PALM2AKAP2: variants seen among roughly 807,000 people sequenced by gnomAD.
PALM2AKAP2 encodes PALM2-AKAP2 fusion protein.
A neutral mutation model predicts 71.5 loss-of-function variants in PALM2AKAP2; 37 were observed. That is an observed-to-expected ratio of 0.52 (90% confidence interval 0.40 to 0.68). The LOEUF (loss-of-function observed/expected upper bound fraction) is 0.68. PALM2AKAP2 is among the 30% of genes least tolerant of loss of function. The pLI is 0.00. For missense variants in PALM2AKAP2, 1,224 were observed against 1,191.8 expected (o/e 1.03, Z -0.40); for synonymous variants, 468 against 478.8 (o/e 0.98, Z 0.29).
At chr9:110,000,004 C>A (rs1236625269) in intron 6 of PALM2AKAP2, among the ~76,000 whole-genome samples, 1 of 147,438 alleles carries the variant, frequency 6.8e-6, no homozygotes, top group African/African-American at 2.5e-5. Flanking sequence ...CCATTTTTCT[C>A]TATTTTTTTT....
chr9:109,742,691 A>G (rs967499631), intron 1 of PALM2AKAP2, among the ~76,000 whole-genome samples: 1 of 152,090 alleles, frequency 6.6e-6, no homozygotes, highest in Non-Finnish European at 1.5e-5. Context: ...TACCACATAA[A>G]CCTATGCTGG....
chr9:109,709,038 T>A (rs1828185726), intron 1 of PALM2AKAP2, among the ~76,000 whole-genome samples: 1 of 152,170 alleles, frequency 6.6e-6, no homozygotes, highest in Admixed American at 6.5e-5. Context: ...ATAGTGGTAC[T>A]TGAGCCTGTC....
intron 1 of PALM2AKAP2, among the ~76,000 whole-genome samples, chr9:109,643,121 A>G (rs1013239178): frequency 6.6e-6 from 1 of 152,244 alleles, no homozygotes; most frequent in Middle Eastern, 3.4e-3. Context: ...GAGGGAAGGA[A>G]GGAAAGAAAG....
At chr9:109,804,849 C>T (rs1386037772) in intron 1 of PALM2AKAP2, among the ~76,000 whole-genome samples, 1 of 152,164 alleles carries the variant, frequency 6.6e-6, no homozygotes, top group African/African-American at 2.4e-5. Flanking sequence ...TGGGGCCTTA[C>T]ACTCAATCAG....
At chr9:109,941,868 G>T (rs1831379414) in intron 6 of PALM2AKAP2, among the ~76,000 whole-genome samples, 1 of 152,212 alleles carries the variant, frequency 6.6e-6, no homozygotes. Context: ...GGAAGAGGAA[G>T]TGAATGTCTT....
chr9:110,086,442 C>A (rs964270377), intron 1 of PALM2AKAP2, among the ~76,000 whole-genome samples: 1 of 152,186 alleles, frequency 6.6e-6, no homozygotes, highest in African/African-American at 2.4e-5. Context: ...CTAAAGCATG[C>A]TTGATCAGAC....
intron 1 of PALM2AKAP2, among the ~76,000 whole-genome samples, chr9:109,757,151 T>C (rs1828976547): frequency 6.6e-6 from 1 of 152,108 alleles, no homozygotes; most frequent in Non-Finnish European, 1.5e-5. Flanking sequence ...CTAGTAACCA[T>C]CATTCTAATC....
chr9:109,911,287 A>G (rs1324747227), intron 3 of PALM2AKAP2, among the ~76,000 whole-genome samples: 2 of 152,222 alleles, frequency 1.3e-5, no homozygotes, highest in Non-Finnish European at 2.9e-5. Context: ...GATGAAACAG[A>G]CTCAAATAAG....
At chr9:110,096,890 C>T (rs898792761) in intron 1 of PALM2AKAP2, among the ~76,000 whole-genome samples, 19 of 151,686 alleles carry the variant, frequency 1.3e-4, no homozygotes, top group Admixed American at 2.6e-4. Context: ...AAATGAGTCA[C>T]GATGTCAGCC....
In PALM2AKAP2 at chr9:109,771,841, G is replaced by C. The variant is rs1829269746; in HGVS notation, c.6-8647G>C. 3 of 152,212 alleles carry C rather than the reference G, an allele frequency of 2.0e-5. No individual in the cohort carries two copies. The South Asian group carries it at 6.2e-4, about 32-fold the overall frequency. The allele number at this position is 152,212 out of a possible 1,614,324, so 9.4% of individuals were successfully genotyped here. A position where few individuals can be genotyped will look rare whatever the true frequency, so the allele number is the denominator to read the frequency against. ...GGGAGCATTAATGATCCTACCTCCAGTTTTAGGGGCACAATACTTAATCCG... is the reference window on the plus strand; with the variant it reads ...GGGAGCATTAATGATCCTACCTCCACTTTTAGGGGCACAATACTTAATCCG... On this transcript the variant is annotated intron_variant, in intron 1 of 6. Coordinates refer to the PALM2AKAP2 transcript ENST00000374531.
intron 6 of PALM2AKAP2, among the ~76,000 whole-genome samples, chr9:109,994,560 A>C (rs1832539996): frequency 6.6e-6 from 1 of 152,124 alleles, no homozygotes; most frequent in Admixed American, 6.5e-5. Context: ...CAAACCCTCT[A>C]AACAAACCAA....
chr9:109,696,577 G>C (rs768375052), intron 1 of PALM2AKAP2, among the ~76,000 whole-genome samples: 1 of 152,178 alleles, frequency 6.6e-6, no homozygotes, highest in Non-Finnish European at 1.5e-5. Flanking sequence ...TTCGCTTCTA[G>C]TCATTGATCA....
intron 6 of PALM2AKAP2, among the ~76,000 whole-genome samples, chr9:109,956,913 T>A (rs1248090698): frequency 6.6e-6 from 1 of 151,984 alleles, no homozygotes; most frequent in African/African-American, 2.4e-5. Context: ...TTAAAAAAAA[T>A]AAAAATCCCA....
chr9:109,887,988 C>A (rs1048377820), intron 3 of PALM2AKAP2, among the ~76,000 whole-genome samples: 1 of 152,146 alleles, frequency 6.6e-6, no homozygotes, highest in African/African-American at 2.4e-5. Context: ...CTGGAGGTGC[C>A]GGTCTTCAGC....
chr9:110,119,749 T>A (rs1394796044), intron 1 of PALM2AKAP2, among the ~76,000 whole-genome samples: 1 of 152,244 alleles, frequency 6.6e-6, no homozygotes, highest in African/African-American at 2.4e-5. Context: ...TTGTCTAGTT[T>A]TATGTTTGGG....
At chr9:109,817,931 G>A (rs1827892471) in intron 1 of PALM2AKAP2, among the ~76,000 whole-genome samples, 3 of 152,204 alleles carry the variant, frequency 2.0e-5, no homozygotes, top group Admixed American at 2.0e-4. Flanking sequence ...GTGATATGCA[G>A]CAAGGTAAAG....
chr9:109,795,658 T>C (rs1328864443), intron 1 of PALM2AKAP2, among the ~76,000 whole-genome samples: 3 of 152,180 alleles, frequency 2.0e-5, no homozygotes, highest in African/African-American at 7.2e-5. Flanking sequence ...CTGTCTTCCA[T>C]GGGCAAGAGA....
At chr9:109,830,284 A>C (rs905894762) in intron 1 of PALM2AKAP2, among the ~76,000 whole-genome samples, 2 of 152,342 alleles carry the variant, frequency 1.3e-5, no homozygotes, top group South Asian at 4.1e-4. Flanking sequence ...ACCAAATGCA[A>C]CTTTCTTAGA....
At chr9:110,095,622 T>A (rs1482329932) in intron 1 of PALM2AKAP2, among the ~76,000 whole-genome samples, 1 of 152,158 alleles carries the variant, frequency 6.6e-6, no homozygotes, top group Non-Finnish European at 1.5e-5. Context: ...CTTTTTGTTC[T>A]TGGGGAATTG....
Sources: gnomAD v4.1 joint callset for allele counts (sites outside exome capture counted in the v4.1 genomes callset) on GRCh38, gnomAD v4.1.1 for gene constraint, MANE v1.5 for transcripts, NCBI Gene and HGNC (gene_info 2026-07-23, HGNC 2026-07-21) for gene names.